GALNT18: variants seen among roughly 807,000 people sequenced by gnomAD.
GALNT18 encodes GalNAc-transferase 18.
GALNT18 carries 44 observed loss-of-function variants against 69.5 expected under a neutral mutation model. The ratio of observed to expected loss-of-function variants is 0.63; its 90% CI spans 0.50 to 0.81. GALNT18 has a LOEUF of 0.81. Ranked by LOEUF, GALNT18 falls within the 40% of genes least tolerant of loss-of-function variation. GALNT18 has a pLI of 0.00. For synonymous variants in GALNT18, 364 were observed against 318.2 expected (o/e 1.14, Z -1.53); for missense variants, 715 against 810.0 (o/e 0.88, Z 1.42).
chr11:11,446,915 A>G (rs1855666645), intron 2 of GALNT18, among the ~76,000 whole-genome samples: 1 of 152,090 alleles, frequency 6.6e-6, no homozygotes. Flanking sequence ...AGCTCTAAAC[A>G]ATACTGAAGC....
rs1178054839 is a variant in GALNT18 at position 11,356,164 on chromosome 11, T to TCC, written c.1093-15162_1093-15161dup. ...TGTATTTGGAGATGCCCCTGACCCC[T>TCC]CCTTCTGCAACTTCAGATTTATGAA... On this transcript the variant is annotated intron_variant, in intron 6 of 10. Coordinates refer to ENST00000227756, the MANE Select transcript of GALNT18 (RefSeq NM_198516.3). This position sits in a 1 kb window ranked among gnomAD's most constrained non-coding sequence, Gnocchi z 4.4. Among the ~76,000 whole-genome samples the TCC allele has an allele frequency of 1.3e-5, 2 of 152,200 alleles. No individual in the cohort carries two copies. The highest frequency in any genetic ancestry group is 2.9e-5 in the Non-Finnish European group (2 of 68,034).
intron 9 of GALNT18, among the ~76,000 whole-genome samples, chr11:11,325,719 A>G (rs889915697): frequency 6.6e-6 from 1 of 152,152 alleles, no homozygotes; most frequent in African/African-American, 2.4e-5. Flanking sequence ...CTTCAATACA[A>G]TGTTTAAAAA....
intron 2 of GALNT18, among the ~76,000 whole-genome samples, chr11:11,448,361 G>A (rs556145565): frequency 2.6e-5 from 4 of 152,274 alleles, no homozygotes; most frequent in African/African-American, 7.2e-5. Flanking sequence ...CAGATGTAAC[G>A]ACTTGTTAGC....
chr11:11,556,367 G>A (rs966808854), intron 1 of GALNT18, among the ~76,000 whole-genome samples: 1 of 152,210 alleles, frequency 6.6e-6, no homozygotes, highest in African/African-American at 2.4e-5. Context: ...GAAGTGCCAC[G>A]TCTAGGGATT....
chr11:11,553,481 C>T (rs1046243951), intron 1 of GALNT18, among the ~76,000 whole-genome samples: 1 of 152,208 alleles, frequency 6.6e-6, no homozygotes, highest in Non-Finnish European at 1.5e-5. Context: ...CCTCTGTCAC[C>T]CCCTCCCTGC....
intron 10 of GALNT18, among the ~76,000 whole-genome samples, chr11:11,276,222 T>TAGTTCTCCTTGA (rs1283292691): frequency 6.6e-6 from 1 of 152,234 alleles, no homozygotes; most frequent in Admixed American, 6.5e-5. Flanking sequence ...CAGTGCTTTG[T>TAGTTCTCCTTGA]AGTTCTCCTT....
At chr11:11,316,287 C>A (rs1286755849) in intron 9 of GALNT18, among the ~76,000 whole-genome samples, 1 of 152,142 alleles carries the variant, frequency 6.6e-6, no homozygotes, top group East Asian at 1.9e-4. Flanking sequence ...AGACAAAAAT[C>A]ATAGAAAACT....
intron 10 of GALNT18, among the ~76,000 whole-genome samples, chr11:11,275,957 T>A (rs775105227): frequency 9.9e-5 from 15 of 152,186 alleles, no homozygotes; most frequent in Non-Finnish European, 2.1e-4. Flanking sequence ...AGTTTGAAGT[T>A]AGGTAGCCTG....
Position 11,618,659 on chromosome 11 carries a change from A to G in GALNT18, c.235+2700T>C, listed in dbSNP as rs1158908607. On this transcript the variant is annotated intron_variant, in intron 1 of 10. Coordinates refer to ENST00000227756, the MANE Select transcript of GALNT18 (RefSeq NM_198516.3). The surrounding 1 kb of genome is among the most constrained non-coding windows in gnomAD (Gnocchi z 6.1). Reference sequence around the variant, plus strand: ...TTACATCCCTATACTATCATATACCAGTGTGTGACCCTGGACAAATCATAT... The same window carrying G: ...TTACATCCCTATACTATCATATACCGGTGTGTGACCCTGGACAAATCATAT... Among the ~76,000 whole-genome samples, 1 of 152,194 alleles carries G rather than the reference A, an allele frequency of 6.6e-6. No individual in the cohort carries two copies. Among genetic ancestry groups the G allele is most frequent in the Non-Finnish European group, 1.5e-5 (1 of 68,036 alleles).
chr11:11,489,459 G>C (rs541408234), intron 1 of GALNT18, among the ~76,000 whole-genome samples: 21 of 152,256 alleles, frequency 1.4e-4, no homozygotes, highest in African/African-American at 4.8e-4. Flanking sequence ...TCACAAGGAG[G>C]AAAATGCCCA....
Position 11,403,996 on chromosome 11 carries a change from G to C in GALNT18, c.596-24732C>G, listed in dbSNP as rs183449765. 1.0e-3 allele frequency among the ~76,000 whole-genome samples: 158 copies of C among 152,340 alleles called. 1 individual carries two copies. Among genetic ancestry groups the C allele is most frequent in the Middle Eastern group, 0.01 (3 of 294 alleles). On this transcript the variant is annotated intron_variant, in intron 3 of 10. Coordinates refer to ENST00000227756, the MANE Select transcript of GALNT18 (RefSeq NM_198516.3). The stretch of plus-strand genomic sequence containing the variant: ...TCCTCAATTCCTGGCCCCTATTCCA[G>C]AGGAGTCATGTGCAGTGGGCAGGAT...
intron 6 of GALNT18, among the ~76,000 whole-genome samples, chr11:11,342,276 T>C (rs1355582092): frequency 1.3e-5 from 2 of 152,222 alleles, no homozygotes; most frequent in African/African-American, 4.8e-5. Flanking sequence ...ATTTACTGAA[T>C]TTCAGGTGAA....
At chr11:11,615,734 G>C (rs1860027061) in intron 1 of GALNT18, among the ~76,000 whole-genome samples, 1 of 152,078 alleles carries the variant, frequency 6.6e-6, no homozygotes, top group South Asian at 2.1e-4. Context: ...AGACAGTGGA[G>C]TTTTGTTGTT....
intron 6 of GALNT18, among the ~76,000 whole-genome samples, chr11:11,348,565 C>CAG (rs1245290776): frequency 5.9e-5 from 9 of 152,120 alleles, no homozygotes; most frequent in Non-Finnish European, 4.4e-5. Flanking sequence ...CTTTAGTCTC[C>CAG]AGATAACAGC....
Position 11,610,041 on chromosome 11 carries a change from T to C in GALNT18, c.235+11318A>G, listed in dbSNP as rs1056986667. Reference sequence around the variant, plus strand: ...TGGCTGCAAAATGCCATACCTAGAGTTTCTCTCAGTCTTCCAGAGAGCTGA... The same window carrying C: ...TGGCTGCAAAATGCCATACCTAGAGCTTCTCTCAGTCTTCCAGAGAGCTGA... On this transcript the variant is annotated intron_variant, in intron 1 of 10. Transcript: ENST00000227756. Among the ~76,000 whole-genome samples, 4 of 151,560 alleles carry C rather than the reference T, an allele frequency of 2.6e-5. No individual in the cohort carries two copies. In the South Asian group the frequency reaches 8.3e-4, roughly 32 times the overall value.
intron 1 of GALNT18, among the ~76,000 whole-genome samples, chr11:11,517,493 A>G (rs1277435474): frequency 1.3e-5 from 2 of 152,160 alleles, no homozygotes; most frequent in African/African-American, 4.8e-5. Flanking sequence ...ATGCACATAT[A>G]TGGACTTAAT....
At position 11,335,146 on chromosome 11, in the gene GALNT18, G is replaced by A. The variant is rs191389931; in HGVS notation, c.1279-2315C>T. ...CCTCTGTGTTTTCCTAAACTTCTGG[G>A]TTCCCACAGGAAAAGTTTCTTTCTG... On this transcript the variant is annotated intron_variant, in intron 7 of 10. Transcript: ENST00000227756. Among the ~76,000 whole-genome samples, 219 of 152,242 alleles carry A rather than the reference G, an allele frequency of 1.4e-3. 1 individual carries two copies. The highest frequency in any genetic ancestry group is 2.3e-3 in the Non-Finnish European group (154 of 68,028).
At chr11:11,447,345 GTC>G (rs537562626) in intron 2 of GALNT18, among the ~76,000 whole-genome samples, 7 of 151,906 alleles carry the variant, frequency 4.6e-5, no homozygotes, top group Admixed American at 2.6e-4. Flanking sequence ...TGTCCCAGGT[GTC>G]TCTCTCTCTC....
rs1856180176 is a variant in GALNT18, at chr11:11,467,596, G to A, written c.236-18660C>T. ...CCAGGAGACACGCCCACACGCTCAT[G>A]CATTGTGCACATTCAGGGCACAGAC... On this transcript the variant is annotated intron_variant, in intron 1 of 10. Coordinates refer to ENST00000227756, the MANE Select transcript of GALNT18 (RefSeq NM_198516.3). Among the ~76,000 whole-genome samples the A allele has an allele frequency of 2.6e-5, 4 of 152,212 alleles. No individual in the cohort carries two copies. The South Asian group carries it at 8.3e-4, about 32-fold the overall frequency.
Sources: gnomAD v4.1 joint callset for allele counts (sites outside exome capture counted in the v4.1 genomes callset) on GRCh38, gnomAD v4.1.1 for gene constraint, Gnocchi (gnomAD v3.1) non-coding constraint, MANE v1.5 for transcripts, NCBI Gene and HGNC (gene_info 2026-07-23, HGNC 2026-07-21) for gene names.